CEP112: variants seen among roughly 807,000 people sequenced by gnomAD.
CEP112 encodes the protein centrosomal protein 112.
A neutral mutation model predicts 153.0 loss-of-function variants in CEP112; 127 were observed. That is an observed-to-expected ratio of 0.83 (90% CI 0.72 to 0.96). The LOEUF is 0.96. CEP112 is among the 40% of genes least tolerant of loss of function. The probability of loss-of-function intolerance (pLI) is 0.00; values close to 1 mark genes in which losing one functional copy is unlikely to be tolerated. For missense variants in CEP112, 1,089 were observed against 1,101.2 expected (o/e 0.99, Z 0.16); for synonymous variants, 358 against 374.4 (o/e 0.96, Z 0.51).
In CEP112 at chr17:65,695,126, C is replaced by T. The variant is rs2048294332; in HGVS notation, c.2608-5908G>A. On this transcript the variant is annotated intron_variant, in intron 23 of 26. Coordinates refer to ENST00000535342, the MANE Select transcript of CEP112 (RefSeq NM_001199165.4). ...GACTTTCAGAGTGCTTTCTGCTGGT[C>T]GGGAATAAAGAATGACACTTTCCAG... Among the ~76,000 whole-genome samples the T allele has an allele frequency of 2.0e-5, 3 of 152,084 alleles. No homozygotes were observed. The South Asian group carries it at 6.2e-4, about 32-fold the overall frequency.
chr17:65,841,259 C>T (rs1460465320), intron 21 of CEP112, among the ~76,000 whole-genome samples: 1 of 151,928 alleles, frequency 6.6e-6, no homozygotes, highest in Non-Finnish European at 1.5e-5. Context: ...AAATGTACAT[C>T]AGCAAAGGGG....
chr17:65,865,074 C>T (rs1031563832), intron 20 of CEP112, among the ~76,000 whole-genome samples: 26 of 152,036 alleles, frequency 1.7e-4, no homozygotes, highest in African/African-American at 5.6e-4. Flanking sequence ...CAGGGTCTCA[C>T]TCTGTTGCCC....
At chr17:65,723,839 C>G (rs983937459) in intron 23 of CEP112, among the ~76,000 whole-genome samples, 3 of 152,118 alleles carry the variant, frequency 2.0e-5, no homozygotes, top group Non-Finnish European at 4.4e-5. Context: ...AAAAAGCTCT[C>G]GAGTCTAATT....
Position 65,952,720 on chromosome 17 carries a change from C to T in CEP112, c.1872+8743G>A, listed in dbSNP as rs553493937. 1.6e-4 allele frequency among the ~76,000 whole-genome samples: 24 copies of T among 152,144 alleles called. 1 individual carries two copies. The South Asian group carries it at 5.0e-3, about 32-fold the overall frequency. On this transcript the variant is annotated intron_variant, in intron 18 of 26. Transcript: ENST00000535342. ...TAATGTGGCTATACTATTTTATGTA[C>T]CCATCAGCAGTGTATAAGAGCTTCA... is the stretch of plus-strand genomic sequence containing the variant.
intron 20 of CEP112, among the ~76,000 whole-genome samples, chr17:65,887,476 A>G (rs143398327): frequency 6.6e-6 from 1 of 152,296 alleles, no homozygotes; most frequent in African/African-American, 2.4e-5. Context: ...TTCAGGACCA[A>G]TAGATTTTAA....
At chr17:65,989,322 G>C (rs1191743752) in intron 17 of CEP112, among the ~76,000 whole-genome samples, 1 of 151,428 alleles carries the variant, frequency 6.6e-6, no homozygotes, top group East Asian at 1.9e-4. Context: ...TATAAACATT[G>C]GGCACTCAAA....
At chr17:66,177,173 G>C (rs894987704) in intron 2 of CEP112, among the ~76,000 whole-genome samples, 153 bp from the exon 3 acceptor site, 1 of 152,176 alleles carries the variant, frequency 6.6e-6, no homozygotes, top group East Asian at 1.9e-4. Context: ...AGGCTTCACA[G>C]GCCATATGAT....
intron 21 of CEP112, among the ~76,000 whole-genome samples, chr17:65,818,737 G>T (rs1166375855): frequency 6.6e-6 from 1 of 151,732 alleles, no homozygotes; most frequent in Non-Finnish European, 1.5e-5. Context: ...CAAATAGCAG[G>T]AATTCAATTT....
In CEP112 at chr17:65,937,567, G is replaced by C. The variant is rs1599075103; in HGVS notation, c.1873-9878C>G. 2.9e-4 allele frequency among the ~76,000 whole-genome samples: 14 copies of C among 48,250 alleles called. No homozygotes were observed. In the East Asian group the frequency reaches 7.1e-3, roughly 25 times the overall value. 31.7% of individuals were successfully genotyped at this position (48,250 alleles called of 152,430 possible). ...CAGCCGCCCCGTCCGGGAGGGAGGT[G>C]GGGGGGGTCAGCCCCCCACCCGGCC... is the stretch of plus-strand genomic sequence containing the variant. On this transcript the variant is annotated intron_variant, in intron 18 of 26. Coordinates refer to ENST00000535342, the MANE Select transcript of CEP112 (RefSeq NM_001199165.4).
chr17:66,066,315 C>A (rs1875249660), intron 10 of CEP112, among the ~76,000 whole-genome samples: 1 of 152,048 alleles, frequency 6.6e-6, no homozygotes. Context: ...TTCTGTCAAT[C>A]ACAATACCAG....
chr17:65,921,227 C>G (rs376214919), intron 19 of CEP112, among the ~76,000 whole-genome samples: 5 of 152,274 alleles, frequency 3.3e-5, no homozygotes, highest in African/African-American at 9.6e-5. Context: ...ACATCTACTC[C>G]TATTTCCTTA....
chr17:65,958,794 C>G (rs1015171924), intron 18 of CEP112, among the ~76,000 whole-genome samples: 1 of 152,126 alleles, frequency 6.6e-6, no homozygotes, highest in Non-Finnish European at 1.5e-5. Flanking sequence ...CAGGGAGGGC[C>G]TGAAGGCTGG....
At chr17:66,189,191 T>C (rs1357078822) in intron 1 of CEP112, among the ~76,000 whole-genome samples, 1 of 152,140 alleles carries the variant, frequency 6.6e-6, no homozygotes, top group East Asian at 1.9e-4. Flanking sequence ...GTGAGCAATA[T>C]CTCCAACTAA....
chr17:65,878,815 A>G (rs2058945081), intron 20 of CEP112, among the ~76,000 whole-genome samples: 6 of 151,530 alleles, frequency 4.0e-5, no homozygotes, highest in Admixed American at 4.0e-4. Context: ...TCCAGGTGAA[A>G]AACAGAAGGC....
intron 6 of CEP112, among the ~76,000 whole-genome samples, chr17:66,115,328 T>C (rs1262058050): frequency 2.0e-5 from 3 of 152,228 alleles, no homozygotes; most frequent in Non-Finnish European, 4.4e-5. Flanking sequence ...ATATCTATCA[T>C]ATCAGTTAGC....
chr17:65,931,513 T>G (rs1419642281), intron 18 of CEP112, among the ~76,000 whole-genome samples: 1 of 152,106 alleles, frequency 6.6e-6, no homozygotes, highest in East Asian at 1.9e-4. Flanking sequence ...TGCCTCGCCT[T>G]AAAAGGAACA....
intron 21 of CEP112, among the ~76,000 whole-genome samples, chr17:65,809,256 G>C (rs183847849): frequency 5.3e-5 from 8 of 152,312 alleles, no homozygotes; most frequent in African/African-American, 1.4e-4. Context: ...TGTAACTGAG[G>C]GGGAGAGGAG....
chr17:65,971,243 T>A (rs1052059957), intron 17 of CEP112, among the ~76,000 whole-genome samples: 2 of 152,202 alleles, frequency 1.3e-5, no homozygotes, highest in Non-Finnish European at 2.9e-5. Context: ...GTGCAAAACA[T>A]GCACATCAAA....
At chr17:65,646,689 CA>C (rs1465027265) in intron 24 of CEP112, among the ~76,000 whole-genome samples, 1 of 152,180 alleles carries the variant, frequency 6.6e-6, no homozygotes, top group Non-Finnish European at 1.5e-5. Flanking sequence ...TACAGTTTCT[CA>C]AATAATCCTT....
Sources: allele counts gnomAD v4.1 joint callset (sites outside exome capture counted in the v4.1 genomes callset), GRCh38; gene constraint gnomAD v4.1.1; transcripts MANE v1.5; gene names NCBI Gene and HGNC (gene_info 2026-07-23, HGNC 2026-07-21).